The following TBL1X variants were observed in gnomAD, a reference collection of about 807,000 sequenced individuals.
TBL1X encodes F-box-like/WD repeat-containing protein TBL1X.
TBL1X carries 10 observed loss-of-function variants against 50.7 expected under a neutral mutation model. That is an observed-to-expected ratio of 0.20 (90% CI 0.12 to 0.33). TBL1X has a LOEUF of 0.33. TBL1X is among the 10% of genes least tolerant of loss of function. The pLI, the probability that TBL1X is intolerant of heterozygous loss-of-function variation, is 1.00. For missense variants in TBL1X, 340 were observed against 504.4 expected (o/e 0.67, Z 3.12); for synonymous variants, 190 against 214.7 (o/e 0.88, Z 1.01).
At chrX:9,677,206 C>T (rs1427890124) in intron 5 of TBL1X, among the ~76,000 whole-genome samples, 2 of 111,466 alleles carry the variant, frequency 1.8e-5, no homozygotes, top group Non-Finnish European at 3.8e-5. Flanking sequence ...CAGCTGCAGT[C>T]CTGCTGGAGA....
intron 2 of TBL1X, among the ~76,000 whole-genome samples, chrX:9,582,589 A>G (rs920666389): frequency 8.9e-6 from 1 of 112,829 alleles, no homozygotes; most frequent in African/African-American, 3.2e-5. Flanking sequence ...ATTTATTTCA[A>G]GAAACTCAAT....
chrX:9,595,774 C>T (rs1601782601), intron 2 of TBL1X, among the ~76,000 whole-genome samples: 1 of 112,328 alleles, frequency 8.9e-6, no homozygotes, highest in East Asian at 2.8e-4. Context: ...GAATTTAAAA[C>T]AGTGCCCGAT....
At chrX:9,572,563 T>C (rs917293994) in intron 2 of TBL1X, among the ~76,000 whole-genome samples, 2 of 113,002 alleles carry the variant, frequency 1.8e-5, no homozygotes, top group African/African-American at 6.4e-5. Flanking sequence ...ATCTACAAAA[T>C]CACTGCTCTA....
chrX:9,528,685 C>T (rs991214350), intron 2 of TBL1X, among the ~76,000 whole-genome samples: 5 of 26,632 alleles, frequency 1.9e-4, no homozygotes, highest in Non-Finnish European at 3.3e-4. Flanking sequence ...AGTGCAGGAG[C>T]TTGCGGGGGG....
At position 9,511,003 on chromosome X, in the gene TBL1X, GC is replaced by G. The variant is rs200657823; in HGVS notation, c.-131+9157del. Among the ~76,000 whole-genome samples the G allele has an allele frequency of 5.0e-3, 566 of 112,222 alleles. 17 individuals are homozygous for G. The highest frequency in any genetic ancestry group is 0.046 in the Admixed American group (488 of 10,554). ...CCTATTGGCACTGTTTCTCTGGACA[GC>G]CCTGACTAACATCACTGCTTTCTTG... On this transcript the variant is annotated intron_variant, in intron 2 of 17. Transcript: ENST00000645353.
intron 2 of TBL1X, among the ~76,000 whole-genome samples, chrX:9,523,195 C>T (rs900626813): frequency 4.5e-5 from 5 of 112,043 alleles, no homozygotes; most frequent in African/African-American, 1.6e-4. Flanking sequence ...CAAAGAAAGA[C>T]TCCACTCCTT....
At chrX:9,702,607 GAAA>G (rs59896272) in intron 12 of TBL1X, among the ~76,000 whole-genome samples, 5 of 70,060 alleles carry the variant, frequency 7.1e-5, no homozygotes, top group Non-Finnish European at 1.2e-4. Flanking sequence ...TCATCTCCAA[GAAA>G]AAAAAAAAAA....
intron 9 of TBL1X, 70 bp downstream of exon 9, chrX:9,692,324 G>A (rs1310473752): frequency 1.8e-6 from 2 of 1,116,910 alleles, no homozygotes; most frequent in East Asian, 3.1e-5. Context: ...AGGGGCTGCA[G>A]CAATGGAGCC....
rs148076264 is a variant in TBL1X, at chrX:9,518,062, G to A, written c.-131+16213G>A. Among the ~76,000 whole-genome samples the A allele has an allele frequency of 5.5e-3, 553 of 101,419 alleles. 2 individuals are homozygous for A. The highest frequency in any genetic ancestry group is 0.02 in the African/African-American group (533 of 27,199). The allele number at this position is 101,419 out of a possible 115,157, so 88.1% of individuals were successfully genotyped here. ...TGCAGTGAGCCATGTTCATGCCAAT[G>A]CACTCCAGCCTGGGCAACAGAGCCA... On this transcript the variant is annotated intron_variant, in intron 2 of 17. Transcript: ENST00000645353.
intron 2 of TBL1X, among the ~76,000 whole-genome samples, chrX:9,545,486 T>G (rs1372804549): frequency 9.2e-6 from 1 of 108,131 alleles, no homozygotes; most frequent in Non-Finnish European, 1.9e-5. Flanking sequence ...GTTCAAGGCT[T>G]GTGAGCCTTG....
intron 5 of TBL1X, among the ~76,000 whole-genome samples, chrX:9,680,134 CGA>C (rs1417054949): frequency 9.0e-6 from 1 of 111,039 alleles, no homozygotes; most frequent in African/African-American, 3.3e-5. Flanking sequence ...ATCCCATTCA[CGA>C]GAGTGGATCC....
intron 12 of TBL1X, among the ~76,000 whole-genome samples, chrX:9,699,083 C>A (rs1174374081): frequency 8.9e-6 from 1 of 111,747 alleles, no homozygotes; most frequent in Non-Finnish European, 1.9e-5. Context: ...CATGCTCAAG[C>A]GATTCTCCTG....
chrX:9,501,135 A>G lies in TBL1X; in HGVS notation c.-200-645A>G, dbSNP rs766991215. ...CACAGGACTCATTCAAGGGGTCATGAGAGGAGACCTCATAGCATAAGGGTC... is the reference window on the plus strand; with the variant it reads ...CACAGGACTCATTCAAGGGGTCATGGGAGGAGACCTCATAGCATAAGGGTC... On this transcript the variant is annotated intron_variant, in intron 1 of 17. Transcript: ENST00000645353. 5.4e-5 allele frequency among the ~76,000 whole-genome samples: 6 copies of G among 111,977 alleles called. No homozygotes were observed. In the East Asian group the frequency reaches 1.7e-3, roughly 32 times the overall value.
At chrX:9,521,743 A>G (rs1341852802) in intron 2 of TBL1X, among the ~76,000 whole-genome samples, 9 of 111,533 alleles carry the variant, frequency 8.1e-5, no homozygotes, top group Non-Finnish European at 1.3e-4. Context: ...AGGAGGGCCA[A>G]TTGTATTTAT....
At chrX:9,589,780 C>G (rs969637428) in intron 2 of TBL1X, among the ~76,000 whole-genome samples, 28 of 111,706 alleles carry the variant, frequency 2.5e-4, no homozygotes, top group African/African-American at 8.1e-4. Flanking sequence ...AGAATCATTA[C>G]CTATTACTAG....
intron 2 of TBL1X, among the ~76,000 whole-genome samples, chrX:9,531,354 G>GGTGTGTGTGTGT (rs57905343): frequency 0.032 from 2,384 of 75,121 alleles, 72 homozygotes; most frequent in Non-Finnish European, 0.043. Flanking sequence ...GAACCTGGAG[G>GGTGTGTGTGTGT]GTGTGTGTGT....
chrX:9,694,381 G>A (rs1487388629), intron 11 of TBL1X, among the ~76,000 whole-genome samples: 7 of 111,547 alleles, frequency 6.3e-5, no homozygotes, highest in Non-Finnish European at 1.3e-4. Flanking sequence ...AACTTACTAG[G>A]TCTTGAAGTT....
chrX:9,710,078 G>A (rs1284188029), intron 15 of TBL1X, among the ~76,000 whole-genome samples: 1 of 110,718 alleles, frequency 9.0e-6, no homozygotes, highest in Non-Finnish European at 1.9e-5. Flanking sequence ...TTAGCCAGGC[G>A]TGGTGACGTG....
chrX:9,525,854 T>TA (rs1025058844), intron 2 of TBL1X, among the ~76,000 whole-genome samples: 47 of 108,544 alleles, frequency 4.3e-4, no homozygotes, highest in Non-Finnish European at 6.4e-4. Context: ...ATTTTGTGTT[T>TA]AAAAAAAAAA....
Sources: allele counts gnomAD v4.1 joint callset (sites outside exome capture counted in the v4.1 genomes callset), GRCh38; gene constraint gnomAD v4.1.1; transcripts MANE v1.5; gene names NCBI Gene and HGNC (gene_info 2026-07-23, HGNC 2026-07-21).